The following JADE1 variants were observed in gnomAD, a reference collection of about 807,000 sequenced individuals.
The protein encoded by JADE1 is jade family PHD finger 1, also known as protein Jade-1.
JADE1 carries 14 observed loss-of-function variants against 81.8 expected under a neutral mutation model. That is an observed-to-expected ratio of 0.17 (90% CI 0.11 to 0.27). The LOEUF is 0.27. Among genes scored for constraint, JADE1 ranks in the 10% least tolerant of loss-of-function variants. JADE1 has a pLI of 1.00. For synonymous variants in JADE1, 353 were observed against 391.9 expected, an observed-to-expected ratio of 0.90 and a Z score of 1.17; for missense variants, 690 against 1,047.9, an observed-to-expected ratio of 0.66 and a Z score of 4.71.
chr4:128,833,636 G>C (rs571918443), intron 2 of JADE1, among the ~76,000 whole-genome samples: 2 of 152,200 alleles, frequency 1.3e-5, no homozygotes, highest in East Asian at 3.9e-4. Context: ...GGAGGTTGCA[G>C]TGAGCCGAGA....
intron 8 of JADE1, 76 bp downstream of exon 8, chr4:128,857,530 A>G: frequency 8.2e-7 from 1 of 1,215,144 alleles, no homozygotes; most frequent in Non-Finnish European, 1.2e-6. Context: ...GGCTCTGTGA[A>G]CTGTCCAAGG....
chr4:128,835,094 C>T (rs1259113399), intron 2 of JADE1, among the ~76,000 whole-genome samples: 2 of 152,050 alleles, frequency 1.3e-5, no homozygotes, highest in Non-Finnish European at 2.9e-5. Flanking sequence ...TACTGGCCTC[C>T]GTCAAGAAGC....
chr4:128,857,496 G>A (rs201334089), intron 8 of JADE1, 42 bp downstream of exon 8: 137 of 1,439,438 alleles, frequency 9.5e-5, no homozygotes, highest in Admixed American at 6.4e-4. Flanking sequence ...CCTTTCCTGC[G>A]TGGTGGGGAG....
Position 128,861,837 on chromosome 4 carries a change from G to A in JADE1, c.1115G>A (p.Arg372Lys), listed in dbSNP as rs77410991. The A allele has an allele frequency of 1.9e-6, 3 of 1,614,206 alleles. No homozygotes were observed. The highest frequency in any genetic ancestry group is 3.3e-5 in the Admixed American group (2 of 60,030). ...TATTGCCCAAAGCACAGCTCACATA[G>A]GAAACCCGAGGAGAGTCTTGGCAAG... The part of the protein sequence containing the change: ...KSYCPKHSSH[R>K]KPEESLGKGA... Residue 372 changes from arginine to lysine, a missense_variant, in exon 9 of 11, where the codon AGG becomes AAG. Arg to Lys is a conservative substitution (Grantham distance 26). This residue lies in a region of JADE1 where 77 missense variants were observed against 76.4 expected (regional missense o/e 1.01). Transcript: ENST00000226319.
chr4:128,873,256 G>GAAAAAAAAAAAAAAAAAAA lies in JADE1; in HGVS notation c.*1010_*1011insAAAAAAAAAAAAAAAAAAA, dbSNP rs1296724284. 10 of 28,310 alleles carry GAAAAAAAAAAAAAAAAAAA rather than the reference G, an allele frequency of 3.5e-4. No individual in the cohort carries two copies. The highest frequency in any genetic ancestry group is 4.2e-4 in the Admixed American group (1 of 2,360). The allele number at this position is 28,310 out of a possible 1,614,324, so 1.8% of individuals were successfully genotyped here. A position where few individuals can be genotyped will look rare whatever the true frequency, so the allele number is the denominator to read the frequency against. Reference sequence around the variant, plus strand: ...CATGAATGGATTCCTTAAGAAAAAGGAAAAAAAAAAAAAAAAGAAAAAAAG... The same window carrying GAAAAAAAAAAAAAAAAAAA: ...CATGAATGGATTCCTTAAGAAAAAGGAAAAAAAAAAAAAAAAAAAAAAAAAAAAAAAAAAAGAAAAAAAG... On this transcript the variant is annotated 3_prime_UTR_variant, in exon 11 of 11. Coordinates refer to ENST00000226319, the MANE Select transcript of JADE1 (RefSeq NM_199320.4).
chr4:128,848,892 G>A, intron 4 of JADE1, 88 bp from the exon 5 acceptor site: 1 of 1,313,702 alleles, frequency 7.6e-7, no homozygotes, highest in African/African-American at 1.5e-5. Flanking sequence ...CTAAGGGTTG[G>A]AAGAGGAAGA....
Position 128,849,054 on chromosome 4 carries a change from C to A in JADE1, c.371C>A (p.Pro124His). The A allele has an allele frequency of 1.2e-6, 2 of 1,614,138 alleles. No individual in the cohort carries two copies. The highest frequency in any genetic ancestry group is 1.7e-6 in the Non-Finnish European group (2 of 1,180,030). The change falls in exon 5 of 11, where the codon CCC becomes CAC. Residue 124 changes from proline (P) to histidine (H), a missense_variant. Physicochemically the swap from Pro to His is moderately conservative, Grantham distance 77 (BLOSUM62 -2). Coordinates refer to ENST00000226319, the MANE Select transcript of JADE1 (RefSeq NM_199320.4). ...KYIVSSGSEP[P>H]ELGYVDIRTL... ...ATCGTGTCATCAGGCTCTGAGCCTC[C>A]CGAGTTGGGCTATGTGGACATCCGG...
chr4:128,824,019 A>T (rs1173315077), intron 1 of JADE1, among the ~76,000 whole-genome samples: 1 of 152,236 alleles, frequency 6.6e-6, no homozygotes, highest in Non-Finnish European at 1.5e-5. Flanking sequence ...CCAATTATTA[A>T]GAATATAATG....
rs80064306 is a variant in JADE1, at chr4:128,866,480, C to T, written c.1504-1376C>T. Reference sequence around the variant, plus strand: ...GCTTCATGTCCTCTTGCAAATGAGACTGCCTTCAGCACAGCTGGAATTATT... The same window carrying T: ...GCTTCATGTCCTCTTGCAAATGAGATTGCCTTCAGCACAGCTGGAATTATT... On this transcript the variant is annotated intron_variant, in intron 9 of 10. Transcript: ENST00000226319. 8.4e-3 allele frequency among the ~76,000 whole-genome samples: 1,275 copies of T among 152,324 alleles called. 19 individuals are homozygous for T. The highest frequency in any genetic ancestry group is 0.029 in the African/African-American group (1,223 of 41,578).
intron 6 of JADE1, among the ~76,000 whole-genome samples, chr4:128,854,509 G>A (rs1167685483): frequency 6.6e-6 from 1 of 152,054 alleles, no homozygotes. Context: ...CTGCGTTGAC[G>A]GTAGCTTATT....
At chr4:128,834,746 G>C (rs1436120897) in intron 2 of JADE1, among the ~76,000 whole-genome samples, 2 of 151,888 alleles carry the variant, frequency 1.3e-5, no homozygotes, top group African/African-American at 4.8e-5. Context: ...ATGTTAGCCA[G>C]GATGGTCTTG....
intron 1 of JADE1, among the ~76,000 whole-genome samples, chr4:128,825,343 T>G (rs1197669854): frequency 6.6e-6 from 1 of 152,176 alleles, no homozygotes; most frequent in Non-Finnish European, 1.5e-5. Context: ...CCCAGCCCTC[T>G]TATTCTTTTG....
chr4:128,814,871 C>CT (rs201679140), intron 1 of JADE1, among the ~76,000 whole-genome samples: 74 of 147,654 alleles, frequency 5.0e-4, no homozygotes, highest in East Asian at 1.0e-3. Context: ...CTCTGAGGAC[C>CT]TTTTTTTTTT....
intron 1 of JADE1, among the ~76,000 whole-genome samples, chr4:128,823,971 G>A (rs1187556719): frequency 6.6e-6 from 1 of 152,120 alleles, no homozygotes; most frequent in East Asian, 1.9e-4. Context: ...TTATATTTGG[G>A]TATTTAGAAC....
intron 1 of JADE1, among the ~76,000 whole-genome samples, chr4:128,822,299 G>A (rs62317872): frequency 0.12 from 18,558 of 152,054 alleles, 1,453 homozygotes; most frequent in South Asian, 0.19. Flanking sequence ...TCCGGGAGGC[G>A]GAGTTTGCAC....
intron 2 of JADE1, among the ~76,000 whole-genome samples, chr4:128,840,144 A>G (rs1006303192): frequency 6.6e-6 from 1 of 152,326 alleles, no homozygotes; most frequent in African/African-American, 2.4e-5. Context: ...TTATGAAAGC[A>G]GTCCTAGGAA....
chr4:128,858,705 C>A, intron 8 of JADE1, among the ~76,000 whole-genome samples: 1 of 151,528 alleles, frequency 6.6e-6, no homozygotes, highest in Middle Eastern at 3.4e-3. Flanking sequence ...CGGGTTCAGG[C>A]GATTCTCCTG....
chr4:128,815,951 G>A (rs1726993919), intron 1 of JADE1, among the ~76,000 whole-genome samples: 1 of 151,110 alleles, frequency 6.6e-6, no homozygotes, highest in African/African-American at 2.4e-5. Context: ...GTTACGTCAC[G>A]TTTAAACTTA....
At chr4:128,847,478 G>C (rs1221574646) in intron 4 of JADE1, among the ~76,000 whole-genome samples, 5 of 152,186 alleles carry the variant, frequency 3.3e-5, no homozygotes, top group African/African-American at 1.2e-4. Flanking sequence ...AGTCAGGAGT[G>C]CCAGGATGGC....
Sources: gnomAD v4.1 joint callset for allele counts (sites outside exome capture counted in the v4.1 genomes callset) on GRCh38, gnomAD v4.1.1 for gene constraint, gnomAD v4.1.1 regional missense constraint, MANE v1.5 for transcripts, NCBI Gene and HGNC (gene_info 2026-07-23, HGNC 2026-07-21) for gene names.